RALGAPA1: variants seen among roughly 807,000 people sequenced by gnomAD.
RALGAPA1 encodes Ral GTPase activating protein catalytic subunit alpha 1.
Under a neutral mutation model 269.6 loss-of-function variants are expected in RALGAPA1, and 52 were observed. The ratio of observed to expected loss-of-function variants is 0.19; its 90% confidence interval spans 0.15 to 0.24. RALGAPA1 has a LOEUF of 0.24. RALGAPA1 is among the 10% of genes least tolerant of loss of function. The pLI, the probability that RALGAPA1 is intolerant of heterozygous loss-of-function variation, is 1.00. For missense variants in RALGAPA1, 1,917 were observed against 3,013.9 expected (o/e 0.64, Z 8.52); for synonymous variants, 817 against 1,008.3 (o/e 0.81, Z 3.60).
intron 10 of RALGAPA1, among the ~76,000 whole-genome samples, chr14:35,744,339 C>A (rs907460141): frequency 6.7e-6 from 1 of 149,882 alleles, no homozygotes; most frequent in Non-Finnish European, 1.5e-5. Context: ...CCACTGCACT[C>A]CAGCCTGGGC....
intron 30 of RALGAPA1, among the ~76,000 whole-genome samples, chr14:35,653,007 G>A (rs2062945517): frequency 6.6e-6 from 1 of 152,108 alleles, no homozygotes; most frequent in South Asian, 2.1e-4. Flanking sequence ...ACTTTATACA[G>A]AAAAAGGCTT....
chr14:35,807,415 G>A (rs2077451627), intron 1 of RALGAPA1, among the ~76,000 whole-genome samples: 1 of 152,104 alleles, frequency 6.6e-6, no homozygotes, highest in African/African-American at 2.4e-5. Flanking sequence ...TGGATTAACT[G>A]CTTTCTTACT....
At chr14:35,764,521 C>A (rs1395600731) in intron 4 of RALGAPA1, among the ~76,000 whole-genome samples, 1 of 151,746 alleles carries the variant, frequency 6.6e-6, no homozygotes, top group East Asian at 1.9e-4. Flanking sequence ...TCTTCTGATG[C>A]AGATAAGTTT....
chr14:35,713,387 A>G (rs763284845), intron 16 of RALGAPA1, among the ~76,000 whole-genome samples: 12 of 152,224 alleles, frequency 7.9e-5, no homozygotes, highest in Non-Finnish European at 1.8e-4. Flanking sequence ...GTTATTCTCT[A>G]TCCCCACTGT....
At chr14:35,752,252 T>A (rs555644821) in intron 7 of RALGAPA1, 90 bp from the exon 8 acceptor site, 3 of 1,326,856 alleles carry the variant, frequency 2.3e-6, no homozygotes, top group Non-Finnish European at 3.0e-6. Context: ...TTGTAAAAGG[T>A]TGCAATACAC....
chr14:35,774,003 T>C (rs912736030), intron 3 of RALGAPA1, among the ~76,000 whole-genome samples: 1 of 152,152 alleles, frequency 6.6e-6, no homozygotes, highest in Admixed American at 6.5e-5. Context: ...AGTTTCGACC[T>C]CCTGGGTTCA....
intron 1 of RALGAPA1, among the ~76,000 whole-genome samples, chr14:35,784,288 G>A (rs1340505591): frequency 1.3e-5 from 2 of 152,040 alleles, no homozygotes; most frequent in Admixed American, 6.6e-5. Flanking sequence ...TTATCTAGCC[G>A]TAAAAAGCAC....
chr14:35,801,647 ATCT>A (rs2141926546), intron 1 of RALGAPA1, among the ~76,000 whole-genome samples: 1 of 152,308 alleles, frequency 6.6e-6, no homozygotes, highest in Non-Finnish European at 1.5e-5. Flanking sequence ...CTTAGATGAA[ATCT>A]TCTGTTTATA....
Position 35,805,373 on chromosome 14 carries a change from CGGAGGTTGCAG to C in RALGAPA1, c.106+3346_106+3356del, listed in dbSNP as rs57247685. On this transcript the variant is annotated intron_variant, in intron 1 of 41. Coordinates refer to ENST00000680220, the MANE Select transcript of RALGAPA1 (RefSeq NM_001346249.2). ...AGGGGGATTGCTTGAACCCGGGAGG[CGGAGGTTGCAG>C]TGAGCCGAGATCGCGCCACTGCATT... 2.9e-3 allele frequency among the ~76,000 whole-genome samples: 437 copies of C among 148,508 alleles called. 2 individuals are homozygous for C. The highest frequency in any genetic ancestry group is 0.01 in the African/African-American group (415 of 40,384).
At chr14:35,590,668 T>C (rs2058580629) in intron 37 of RALGAPA1, among the ~76,000 whole-genome samples, 1 of 152,238 alleles carries the variant, frequency 6.6e-6, no homozygotes, top group Admixed American at 6.5e-5. Flanking sequence ...TAAACCTCTT[T>C]TCTTTATAAA....
intron 39 of RALGAPA1, among the ~76,000 whole-genome samples, chr14:35,561,862 A>G (rs1007017712): frequency 1.3e-5 from 2 of 151,996 alleles, no homozygotes; most frequent in East Asian, 1.9e-4. Flanking sequence ...TCAATTATGG[A>G]GCAGATTGTT....
intron 36 of RALGAPA1, among the ~76,000 whole-genome samples, chr14:35,598,507 C>A (rs1415199810): frequency 6.6e-6 from 1 of 152,024 alleles, no homozygotes; most frequent in Non-Finnish European, 1.5e-5. Context: ...GCAACCTCCG[C>A]CTCCTGGGTT....
chr14:35,717,865 T>C (rs1033138625), intron 16 of RALGAPA1, among the ~76,000 whole-genome samples: 2 of 152,202 alleles, frequency 1.3e-5, no homozygotes, highest in African/African-American at 4.8e-5. Context: ...GCCAACATTT[T>C]TTTGATATAT....
chr14:35,699,257 T>A (rs1181016028), intron 17 of RALGAPA1, among the ~76,000 whole-genome samples: 1 of 152,192 alleles, frequency 6.6e-6, no homozygotes, highest in Non-Finnish European at 1.5e-5. Flanking sequence ...AAATTTTTTT[T>A]AAACAAAACT....
At position 35,605,694 on chromosome 14, in the gene RALGAPA1, C is replaced by T. The variant is rs865842919; in HGVS notation, c.6945G>A (p.Lys2315=). 1 of 1,608,926 alleles carries T rather than the reference C, an allele frequency of 6.2e-7. No individual in the cohort carries two copies. Among genetic ancestry groups the T allele is most frequent in the Non-Finnish European group, 8.5e-7 (1 of 1,178,586 alleles). ...CTTCAGCAACATAAAATACTGCAATCTTGTGTGTCTCTCGGCTATAAAACA... is the reference window on the plus strand; with the variant it reads ...CTTCAGCAACATAAAATACTGCAATTTTGTGTGTCTCTCGGCTATAAAACA... ...LDSRQCRETH[K]IAVFYVAEGQ... Residue 2315 remains lysine, a synonymous_variant, in exon 36 of 42, where the codon AAG becomes AAA. Coordinates refer to ENST00000680220, the MANE Select transcript of RALGAPA1 (RefSeq NM_001346249.2).
chr14:35,742,310 C>T lies in RALGAPA1; in HGVS notation c.1449+58G>A, dbSNP rs140047782. On this transcript the variant is annotated intron_variant, in intron 11 of 41. Coordinates refer to ENST00000680220, the MANE Select transcript of RALGAPA1 (RefSeq NM_001346249.2). ...TTTGTGTTAACCCATTATTATGTTT[C>T]TGCAAAACTCTTAATCTATTAGACT... 1.7e-4 allele frequency: 208 copies of T among 1,201,882 alleles called. No homozygotes were observed. In the African/African-American group the frequency reaches 3.0e-3, roughly 17 times the overall value. The allele number at this position is 1,201,882 out of a possible 1,614,324, so 74.5% of individuals were successfully genotyped here.
At chr14:35,759,189 C>T (rs2073464369) in intron 6 of RALGAPA1, among the ~76,000 whole-genome samples, 1 of 152,178 alleles carries the variant, frequency 6.6e-6, no homozygotes, top group African/African-American at 2.4e-5. Context: ...TTCATTAATA[C>T]ATTTTATGCC....
At position 35,770,995 on chromosome 14, in the gene RALGAPA1, AT is replaced by A; in HGVS notation, c.271del (p.Ile91PhefsTer20). Reference protein sequence around the residue: ...LDAILFIFEKILQLLPERIHQ... With the variant: ...LDAILFIFEKXLQLLPERIHQ... Reference sequence around the variant, plus strand: ...AATTCTTTCTGGAAGAAGTTGTAAAATTTTCTAAAAATCAATATAAAGAGAA... The same window carrying A: ...AATTCTTTCTGGAAGAAGTTGTAAAATTTCTAAAAATCAATATAAAGAGAA... On this transcript the variant is annotated frameshift_variant, in exon 4 of 42. Transcript: ENST00000680220. LOFTEE classifies it high-confidence loss of function. The A allele has an allele frequency of 7.4e-7, 1 of 1,359,028 alleles. No homozygotes were observed. Among genetic ancestry groups the A allele is most frequent in the Non-Finnish European group, 1.0e-6 (1 of 977,180 alleles). 84.2% of individuals were successfully genotyped at this position (1,359,028 alleles called of 1,614,324 possible). A position where few individuals can be genotyped will look rare whatever the true frequency, so the allele number is the denominator to read the frequency against.
chr14:35,633,296 A>G (rs564876259), intron 33 of RALGAPA1, among the ~76,000 whole-genome samples: 22 of 152,176 alleles, frequency 1.4e-4, no homozygotes, highest in Non-Finnish European at 2.2e-4. Context: ...ATGGTATCTT[A>G]TTACGTCAAA....
Sources: allele counts gnomAD v4.1 joint callset (sites outside exome capture counted in the v4.1 genomes callset), GRCh38; gene constraint gnomAD v4.1.1; transcripts MANE v1.5; gene names NCBI Gene and HGNC (gene_info 2026-07-23, HGNC 2026-07-21).